Variants in XRCC5 observed in about 807,000 individuals in gnomAD.
XRCC5 encodes DNA repair protein Ku80.
In XRCC5, 12 loss-of-function variants were observed where a neutral mutation model predicts 95.7. The ratio of observed to expected loss-of-function variants is 0.13; its 90% CI spans 0.08 to 0.20. XRCC5 has a LOEUF of 0.20. XRCC5 is among the 10% of genes least tolerant of loss of function. The pLI is 1.00. For missense variants in XRCC5, 595 were observed against 873.9 expected, an observed-to-expected ratio of 0.68 and a Z score of 4.02; for synonymous variants, 281 against 290.3, an observed-to-expected ratio of 0.97 and a Z score of 0.33.
At chr2:216,148,454 C>G (rs1688680142) in intron 14 of XRCC5, among the ~76,000 whole-genome samples, 178 bp downstream of exon 14, 1 of 152,194 alleles carries the variant, frequency 6.6e-6, no homozygotes, top group African/African-American at 2.4e-5. Flanking sequence ...CTGCTGTGAT[C>G]ATATTTTATC....
chr2:216,195,365 CTTTTCTTTTCTTTTCTTTTCT>C, intron 19 of XRCC5, among the ~76,000 whole-genome samples: 1 of 109,812 alleles, frequency 9.1e-6, no homozygotes, highest in Middle Eastern at 4.1e-3. Context: ...CTTTTCTTTT[CTTTTCTTTTCTTTTCTTTTCT>C]TTTCTCTTTC....
At chr2:216,138,051 T>C (rs1697116190) in intron 11 of XRCC5, 38 bp from the exon 12 acceptor site, 1 of 1,511,722 alleles carries the variant, frequency 6.6e-7, no homozygotes. Flanking sequence ...TTCATTAATT[T>C]CATCGTTTCT....
At chr2:216,137,697 CTT>C (rs1307743480) in intron 11 of XRCC5, among the ~76,000 whole-genome samples, 1 of 152,128 alleles carries the variant, frequency 6.6e-6, no homozygotes, top group Non-Finnish European at 1.5e-5. Flanking sequence ...TTAGGGCTCT[CTT>C]GTGTAAAATA....
At chr2:216,177,593 G>T (rs566790010) in intron 16 of XRCC5, among the ~76,000 whole-genome samples, 2 of 152,124 alleles carry the variant, frequency 1.3e-5, no homozygotes, top group South Asian at 4.2e-4. Context: ...TTAGGAACTT[G>T]TTGGAGCAGA....
chr2:216,169,252 C>T (rs61015928), intron 16 of XRCC5, among the ~76,000 whole-genome samples: 45,413 of 152,186 alleles, frequency 0.3, 7,557 homozygotes, highest in South Asian at 0.46. Context: ...ATTAAACATG[C>T]ATGTTACGTA....
intron 6 of XRCC5, 93 bp from the exon 7 acceptor site, chr2:216,125,824 G>A (rs1696891897): frequency 3.0e-6 from 3 of 989,516 alleles, no homozygotes; most frequent in South Asian, 2.9e-5. Context: ...ATTAACATTA[G>A]CTCACTTCTC....
rs1433069263 is a variant in XRCC5 at position 216,137,186 on chromosome 2, A to G, written c.1212A>G (p.Gln404=). ...CTTATGACAAAAGAGCTAATCCTCA[A>G]GTCGGCGTGGCTTTTCCTCATATCA... The part of the protein sequence containing the change: ...RYAYDKRANP[Q]VGVAFPHIKH... Residue 404 remains glutamine (Q), a synonymous_variant, in exon 11 of 21, where the codon CAA becomes CAG. Coordinates refer to ENST00000392132, the MANE Select transcript of XRCC5 (RefSeq NM_021141.4). The G allele has an allele frequency of 1.9e-6, 3 of 1,613,782 alleles. No individual in the cohort carries two copies. Among genetic ancestry groups the G allele is most frequent in the East Asian group, 2.2e-5 (1 of 44,868 alleles).
intron 18 of XRCC5, among the ~76,000 whole-genome samples, chr2:216,194,531 G>A (rs13006837): frequency 0.074 from 11,317 of 152,292 alleles, 650 homozygotes; most frequent in Middle Eastern, 0.11. Flanking sequence ...AGGCTTCATG[G>A]AACACGTGGC....
At position 216,116,835 on chromosome 2, in the gene XRCC5, G is replaced by A. The variant is rs1219711406; in HGVS notation, c.312G>A (p.Gln104=). Reference sequence around the variant, plus strand: ...GCAAAATCCAACCAGGTTCTCAACAGGCTGACTGTATCCTTTTTCTGCCAG... The same window carrying A: ...GCAAAATCCAACCAGGTTCTCAACAAGCTGACTGTATCCTTTTTCTGCCAG... ...IESKIQPGSQ[Q]ADFLDALIVS... Residue 104 remains glutamine, a synonymous_variant, in exon 3 of 21, where the codon CAG becomes CAA. Coordinates refer to ENST00000392132, the MANE Select transcript of XRCC5 (RefSeq NM_021141.4). 1 of 1,613,626 alleles carries A rather than the reference G, an allele frequency of 6.2e-7. No individual in the cohort carries two copies. Among genetic ancestry groups the A allele is most frequent in the East Asian group, 2.2e-5 (1 of 44,872 alleles).
chr2:216,199,001 T>A (rs1287028324), intron 19 of XRCC5, among the ~76,000 whole-genome samples: 1 of 152,224 alleles, frequency 6.6e-6, no homozygotes, highest in Non-Finnish European at 1.5e-5. Context: ...AGAAGAGACA[T>A]GCTTTAGCTA....
chr2:216,195,531 C>T (rs1029661244), intron 19 of XRCC5, among the ~76,000 whole-genome samples: 6 of 151,640 alleles, frequency 4.0e-5, no homozygotes, highest in African/African-American at 7.3e-5. Context: ...TTTAAAACCC[C>T]TCAGGTGATT....
chr2:216,198,537 A>T (rs975319055), intron 19 of XRCC5, among the ~76,000 whole-genome samples: 11 of 80,820 alleles, frequency 1.4e-4, no homozygotes, highest in Non-Finnish European at 2.1e-4. Context: ...AAATGCTTTT[A>T]TTTATTTATT....
chr2:216,173,804 G>T (rs1043991917), intron 16 of XRCC5, among the ~76,000 whole-genome samples: 1 of 152,158 alleles, frequency 6.6e-6, no homozygotes, highest in Non-Finnish European at 1.5e-5. Context: ...TCTCTGGCTT[G>T]CTTCTGCCTT....
At position 216,205,223 on chromosome 2, in the gene XRCC5, C is replaced by G; in HGVS notation, c.*21C>G. ...TATAGGTCGTGGATGTATGGGGAAT[C>G]TAAGAGAGCTGCCATCGCTGTGATG... On this transcript the variant is annotated 3_prime_UTR_variant, in exon 21 of 21. Coordinates refer to ENST00000392132, the MANE Select transcript of XRCC5 (RefSeq NM_021141.4). The G allele has an allele frequency of 6.2e-7, 1 of 1,613,920 alleles. No individual in the cohort carries two copies.
chr2:216,159,141 A>G lies in XRCC5; in HGVS notation c.1671-927A>G, dbSNP rs371809791. ...ATATACAATTTTTATGTTAAAATAA[A>G]TGAATTTTTAAAATTTCTAGATCTT... On this transcript the variant is annotated intron_variant, in intron 14 of 20. Transcript: ENST00000392132. Among the ~76,000 whole-genome samples, 13 of 152,344 alleles carry G rather than the reference A, an allele frequency of 8.5e-5. No individual in the cohort carries two copies. In the East Asian group the frequency reaches 9.6e-4, roughly 11 times the overall value.
intron 16 of XRCC5, among the ~76,000 whole-genome samples, chr2:216,164,251 A>C (rs1018222053): frequency 6.6e-6 from 1 of 152,248 alleles, no homozygotes; most frequent in African/African-American, 2.4e-5. Context: ...TACCTCAGCC[A>C]GTCAAAGTCC....
At chr2:216,175,501 C>T in intron 16 of XRCC5, 4 of 474,914 alleles carry the variant, frequency 8.4e-6, no homozygotes, top group Non-Finnish European at 1.6e-5. Flanking sequence ...ACAGTTTTAT[C>T]AATTGTATCA....
chr2:216,186,910 A>G (rs1475193704), intron 16 of XRCC5, among the ~76,000 whole-genome samples: 1 of 152,180 alleles, frequency 6.6e-6, no homozygotes, highest in Non-Finnish European at 1.5e-5. Flanking sequence ...TCTGCATTTT[A>G]CTTTTATTAA....
At chr2:216,181,124 C>T (rs925225989) in intron 16 of XRCC5, among the ~76,000 whole-genome samples, 2 of 152,090 alleles carry the variant, frequency 1.3e-5, no homozygotes, top group African/African-American at 4.8e-5. Context: ...TGAGTTTCTT[C>T]ATTGGCATTT....
Sources: allele counts gnomAD v4.1 joint callset (sites outside exome capture counted in the v4.1 genomes callset), GRCh38; gene constraint gnomAD v4.1.1; transcripts MANE v1.5; gene names NCBI Gene and HGNC (gene_info 2026-07-23, HGNC 2026-07-21).